Variants in ACCSL observed in about 807,000 individuals in gnomAD.
ACCSL encodes 1-aminocyclopropane-1-carboxylate synthase homolog (inactive) like.
A neutral mutation model predicts 61.7 loss-of-function variants in ACCSL; 55 were observed. The observed-to-expected ratio is 0.89, with a 90% CI of 0.72 to 1.12. The LOEUF (loss-of-function observed/expected upper bound fraction) is 1.12. Among genes scored for constraint, ACCSL ranks in the 50% most tolerant of loss-of-function variants. ACCSL has a pLI of 0.00. For missense variants in ACCSL, 632 were observed against 698.0 expected (o/e 0.91, Z 1.07); for synonymous variants, 258 against 264.3 (o/e 0.98, Z 0.23).
At chr11:43,935,472 G>A in the ACCSL span, among the ~76,000 whole-genome samples, 1 of 152,204 alleles carries the variant, frequency 6.6e-6, no homozygotes, top group African/African-American at 2.4e-5. Flanking sequence ...TCAGCACTTA[G>A]TGTAGCCCTG....
At chr11:44,035,220 G>A in the ACCSL span, among the ~76,000 whole-genome samples, 6 of 151,738 alleles carry the variant, frequency 4.0e-5, no homozygotes, top group African/African-American at 1.2e-4. Flanking sequence ...ATTTATATAT[G>A]TTGCTCATTT....
At chr11:43,944,606 A>C in the ACCSL span, 2 of 152,428 alleles carry the variant, frequency 1.3e-5, no homozygotes. Context: ...TTTACATATG[A>C]GAAAACAAGC....
At chr11:43,994,516 ATG>A in the ACCSL span, among the ~76,000 whole-genome samples, 2 of 151,460 alleles carry the variant, frequency 1.3e-5, no homozygotes, top group South Asian at 2.1e-4. Context: ...TTGTGTGTAT[ATG>A]TGTGTGTGTG....
At chr11:43,943,663 C>A in the ACCSL span, 14 of 1,304,872 alleles carry the variant, frequency 1.1e-5, no homozygotes, top group Non-Finnish European at 1.3e-5. This position sits in a 1 kb window ranked among gnomAD's most constrained non-coding sequence, Gnocchi z 4.8. Context: ...CAGCGCACAC[C>A]CATTCACACT....
At chr11:43,946,293 T>G in the ACCSL span, among the ~76,000 whole-genome samples, 1 of 152,086 alleles carries the variant, frequency 6.6e-6, no homozygotes, top group African/African-American at 2.4e-5. Flanking sequence ...GAGATAAGTT[T>G]CACCATGTTG....
chr11:44,027,476 A>G, the ACCSL span, among the ~76,000 whole-genome samples: 1 of 152,320 alleles, frequency 6.6e-6, no homozygotes, highest in Admixed American at 6.5e-5. Flanking sequence ...CTGAGTTCCT[A>G]TGAAAATTAG....
chr11:44,037,936 G>A, the ACCSL span, among the ~76,000 whole-genome samples: 3 of 151,832 alleles, frequency 2.0e-5, no homozygotes, highest in Non-Finnish European at 4.4e-5. Flanking sequence ...TTCATTCACA[G>A]ACATTATTGA....
the ACCSL span, among the ~76,000 whole-genome samples, chr11:43,987,445 A>C: frequency 6.6e-6 from 1 of 152,054 alleles, no homozygotes; most frequent in Non-Finnish European, 1.5e-5. Flanking sequence ...ACGGGGCTGC[A>C]GGGTGGCTGA....
chr11:43,943,201 G>T, the ACCSL span: 1 of 1,523,396 alleles, frequency 6.6e-7, no homozygotes, highest in Non-Finnish European at 8.8e-7. The surrounding 1 kb of genome is among the most constrained non-coding windows in gnomAD (Gnocchi z 4.8). Flanking sequence ...GCCTGTCGCT[G>T]CAGCGGGAGC....
the ACCSL span, among the ~76,000 whole-genome samples, chr11:43,969,960 T>TG: frequency 1.9e-4 from 29 of 151,756 alleles, no homozygotes; most frequent in African/African-American, 6.5e-4. Flanking sequence ...CAAATAGGTA[T>TG]AGGGGGAGGG....
chr11:44,008,254 G>A, the ACCSL span, among the ~76,000 whole-genome samples: 3 of 152,170 alleles, frequency 2.0e-5, no homozygotes, highest in Admixed American at 6.5e-5. Flanking sequence ...CAGGGGCTGG[G>A]GAGGCCCTGA....
chr11:44,002,887 T>C, the ACCSL span, among the ~76,000 whole-genome samples: 1 of 152,118 alleles, frequency 6.6e-6, no homozygotes, highest in Non-Finnish European at 1.5e-5. Flanking sequence ...AATGGCTGCA[T>C]GGCCTTGTCC....
the ACCSL span, among the ~76,000 whole-genome samples, chr11:44,010,294 C>A: frequency 6.6e-6 from 1 of 152,104 alleles, no homozygotes; most frequent in South Asian, 2.1e-4. Flanking sequence ...GAGCCGAGAT[C>A]GCACCATTGC....
chr11:43,986,869 C>G, the ACCSL span, among the ~76,000 whole-genome samples: 1 of 152,150 alleles, frequency 6.6e-6, no homozygotes, highest in Non-Finnish European at 1.5e-5. Context: ...TGAGACACCC[C>G]AATAAACTTT....
At chr11:44,023,709 A>T in the ACCSL span, among the ~76,000 whole-genome samples, 3 of 136,822 alleles carry the variant, frequency 2.2e-5, no homozygotes, top group African/African-American at 2.8e-5. Context: ...GTTTGGTTTT[A>T]ATTTTCTAAT....
chr11:43,927,584 G>C, the ACCSL span, among the ~76,000 whole-genome samples: 1 of 152,236 alleles, frequency 6.6e-6, no homozygotes, highest in South Asian at 2.1e-4. Flanking sequence ...GCTGGGTGCA[G>C]TCCTGTAGCT....
At chr11:44,021,550 T>G in the ACCSL span, among the ~76,000 whole-genome samples, 1 of 152,224 alleles carries the variant, frequency 6.6e-6, no homozygotes, top group Non-Finnish European at 1.5e-5. Flanking sequence ...TGCAAAAATT[T>G]TCTCCCCCTC....
At chr11:44,008,763 A>G in the ACCSL span, among the ~76,000 whole-genome samples, 1 of 152,236 alleles carries the variant, frequency 6.6e-6, no homozygotes, top group Non-Finnish European at 1.5e-5. Flanking sequence ...AACACCTACC[A>G]AGGGCCAGGC....
rs774851363 is a variant in ACCSL at position 44,048,089 on chromosome 11, G to A, written c.53G>A (p.Arg18Gln). The change falls in exon 1 of 14, where the codon CGG becomes CAG. Residue 18 changes from arginine (R) to glutamine (Q), a missense_variant. Transcript: ENST00000378832. ...GTGCCCTCTGGTCAGAGGAGAGGCC[G>A]GGTCCCCAGAGACCACAGCATCTAT... Reference protein sequence around the residue: ...LPVPSGQRRGRVPRDHSIYTQ... With the variant: ...LPVPSGQRRGQVPRDHSIYTQ... 3.5e-5 allele frequency: 57 copies of A among 1,613,978 alleles called. 1 individual carries two copies. The highest frequency in any genetic ancestry group is 1.5e-4 in the South Asian group (14 of 91,082).
Sources: allele counts gnomAD v4.1 joint callset (sites outside exome capture counted in the v4.1 genomes callset), GRCh38; gene constraint gnomAD v4.1.1; non-coding constraint Gnocchi (gnomAD v3.1); transcripts MANE v1.5; gene names NCBI Gene and HGNC (gene_info 2026-07-23, HGNC 2026-07-21).